The following ARL4D variants were observed in gnomAD, a reference collection of about 807,000 sequenced individuals.
The protein encoded by ARL4D is ADP-ribosylation factor-like protein 4D.
ARL4D carries 1 observed loss-of-function variant against 0.6 expected under a neutral mutation model. The ratio of observed to expected loss-of-function variants is 1.64; its 90% confidence interval spans 0.58 to 7.76. The LOEUF (loss-of-function observed/expected upper bound fraction) is 7.76, where lower values mean the gene tolerates loss of function less well. Ranked by LOEUF, ARL4D falls within the 30% of genes most tolerant of loss-of-function variation. ARL4D has a pLI of 0.14. For missense variants in ARL4D, 230 were observed against 264.5 expected (o/e 0.87, Z 0.90); for synonymous variants, 102 against 115.2 (o/e 0.89, Z 0.73).
At position 43,399,923 on chromosome 17, in the gene ARL4D, T is replaced by C; in HGVS notation, c.191T>C (p.Leu64Pro). ...AACACCGAGAAGATCCGGGTGCCCC[T>C]CGGGGGATCGCGTGGCATCACCTTC... is the stretch of plus-strand genomic sequence containing the variant. ...GFNTEKIRVP[L>P]GGSRGITFQV... Residue 64 changes from leucine (L) to proline (P), a missense_variant, in exon 2 of 2, where the codon CTC becomes CCC. Coordinates refer to ENST00000320033, the MANE Select transcript of ARL4D (RefSeq NM_001661.4). 6.2e-7 allele frequency: 1 copy of C among 1,613,298 alleles called. No homozygotes were observed. The highest frequency in any genetic ancestry group is 1.1e-5 in the South Asian group (1 of 91,020).
In ARL4D at chr17:43,400,562, G is replaced by A. The variant is rs1021968849; in HGVS notation, c.*224G>A. On this transcript the variant is annotated 3_prime_UTR_variant, in exon 2 of 2. Transcript: ENST00000320033. ...TCTCATCCTCTCTGGAGAAGTGGGC[G>A]CTGCAGGACTGTGGAGACGTAAATG... 7.2e-6 allele frequency: 4 copies of A among 552,140 alleles called. No individual in the cohort carries two copies. Among genetic ancestry groups the A allele is most frequent in the African/African-American group, 5.7e-5 (3 of 53,092 alleles). The allele number at this position is 552,140 out of a possible 1,614,324, so 34.2% of individuals were successfully genotyped here.
Position 43,399,758 on chromosome 17 carries a change from C to T in ARL4D, c.26C>T (p.Ala9Val), listed in dbSNP as rs1854203889. MGNHLTEM[A>V]PTASSFLPHF... ...ATGGGGAACCACTTGACTGAGATGGCGCCCACTGCCTCCTCCTTCTTGCCC... is the reference window on the plus strand; with the variant it reads ...ATGGGGAACCACTTGACTGAGATGGTGCCCACTGCCTCCTCCTTCTTGCCC... The change falls in exon 2 of 2, where the codon GCG becomes GTG. Residue 9 changes from alanine to valine, a missense_variant. Around this residue, in one of 3 missense-constraint regions of ARL4D, gnomAD observed 91 missense variants for 100.4 expected, o/e 0.91. Coordinates refer to ENST00000320033, the MANE Select transcript of ARL4D (RefSeq NM_001661.4). 5.0e-6 allele frequency: 8 copies of T among 1,613,252 alleles called. No individual in the cohort carries two copies. The highest frequency in any genetic ancestry group is 6.8e-6 in the Non-Finnish European group (8 of 1,179,430).
At position 43,399,786 on chromosome 17, in the gene ARL4D, C is replaced by T. The variant is rs1213203632; in HGVS notation, c.54C>T (p.His18=). The T allele has an allele frequency of 6.2e-7, 1 of 1,613,940 alleles. No homozygotes were observed. The highest frequency in any genetic ancestry group is 8.5e-7 in the Non-Finnish European group (1 of 1,180,016). ...CCACTGCCTCCTCCTTCTTGCCCCACTTCCAAGCCCTGCATGTCGTGGTCA... is the reference window on the plus strand; with the variant it reads ...CCACTGCCTCCTCCTTCTTGCCCCATTTCCAAGCCCTGCATGTCGTGGTCA... ...MAPTASSFLP[H]FQALHVVVIG... The change falls in exon 2 of 2, where the codon CAC becomes CAT. Residue 18 remains histidine (H), a synonymous_variant. Coordinates refer to ENST00000320033, the MANE Select transcript of ARL4D (RefSeq NM_001661.4).
rs370379303 is a variant in ARL4D at position 43,399,203 on chromosome 17, G to A, written c.-73+110G>A. 32 of 157,044 alleles carry A rather than the reference G, an allele frequency of 2.0e-4. No homozygotes were observed. In the South Asian group the frequency reaches 5.9e-3, roughly 29 times the overall value. 9.7% of individuals were successfully genotyped at this position (157,044 alleles called of 1,614,324 possible). A position where few individuals can be genotyped will look rare whatever the true frequency, so the allele number is the denominator to read the frequency against. Reference sequence around the variant, plus strand: ...GGCAGGAGAGTGTCGCGGGGCGGTGGGGCGAGGGTCGCGGAGTAAGGAAGG... The same window carrying A: ...GGCAGGAGAGTGTCGCGGGGCGGTGAGGCGAGGGTCGCGGAGTAAGGAAGG... On this transcript the variant is annotated intron_variant, in intron 1 of 1. Transcript: ENST00000320033.
Position 43,400,413 on chromosome 17 carries a change from G to C in ARL4D, c.*75G>C. On this transcript the variant is annotated 3_prime_UTR_variant, in exon 2 of 2. Transcript: ENST00000320033. ...GGACAGCAGGGTGGGACCAGCCTGT[G>C]ACCTCTCAGTCAGACTGGGGTGCAG... The C allele has an allele frequency of 6.6e-7, 1 of 1,504,266 alleles. No individual in the cohort carries two copies. Among genetic ancestry groups the C allele is most frequent in the Non-Finnish European group, 8.9e-7 (1 of 1,125,300 alleles). The allele number at this position is 1,504,266 out of a possible 1,614,324, so 93.2% of individuals were successfully genotyped here.
Position 43,399,641 on chromosome 17 carries a change from A to T in ARL4D, c.-72-20A>T, listed in dbSNP as rs1298859190. On this transcript the variant is annotated intron_variant, in intron 1 of 1. Transcript: ENST00000320033. ...TTATTAAACGTCTCCTTTTTCTCCC[A>T]TGACCTTTTCTTGGTTCAGATAACC... 1 of 1,473,270 alleles carries T rather than the reference A, an allele frequency of 6.8e-7. No individual in the cohort carries two copies. The highest frequency in any genetic ancestry group is 9.1e-7 in the Non-Finnish European group (1 of 1,098,714). 91.3% of individuals were successfully genotyped at this position (1,473,270 alleles called of 1,614,324 possible).
Position 43,400,122 on chromosome 17 carries a change from G to A in ARL4D, c.390G>A (p.Val130=). ...CCTCGGACAACCAGGGCGTGCCAGT[G>A]CTGGTGCTGGCCAACAAGCAGGACC... The part of the protein sequence containing the change: ...SRASDNQGVP[V]LVLANKQDQP... The change falls in exon 2 of 2, where the codon GTG becomes GTA. Residue 130 remains valine (V), a synonymous_variant. Transcript: ENST00000320033. 1 of 1,610,342 alleles carries A rather than the reference G, an allele frequency of 6.2e-7. No homozygotes were observed. Among genetic ancestry groups the A allele is most frequent in the South Asian group, 1.1e-5 (1 of 91,044 alleles).
chr17:43,400,783 G>C lies in ARL4D; in HGVS notation c.*445G>C, dbSNP rs1162026958. 1 of 175,818 alleles carries C rather than the reference G, an allele frequency of 5.7e-6. No individual in the cohort carries two copies. The highest frequency in any genetic ancestry group is 5.8e-5 in the Admixed American group (1 of 17,274). 10.9% of individuals were successfully genotyped at this position (175,818 alleles called of 1,614,324 possible). A position where few individuals can be genotyped will look rare whatever the true frequency, so the allele number is the denominator to read the frequency against. ...CTTTTCTAGGAATACCAGTCACATA[G>C]TTTTTATTTTTGTGTCTGTGAAAGT... On this transcript the variant is annotated 3_prime_UTR_variant, in exon 2 of 2. Coordinates refer to ENST00000320033, the MANE Select transcript of ARL4D (RefSeq NM_001661.4).
Position 43,399,986 on chromosome 17 carries a change from C to T in ARL4D, c.254C>T (p.Pro85Leu). The T allele has an allele frequency of 6.2e-7, 1 of 1,613,994 alleles. No individual in the cohort carries two copies. Among genetic ancestry groups the T allele is most frequent in the Non-Finnish European group, 8.5e-7 (1 of 1,180,020 alleles). Residue 85 changes from proline to leucine, a missense_variant, in exon 2 of 2, where the codon CCA (proline) becomes CTA (leucine). By Grantham distance (98) the Pro-to-Leu change is moderately conservative (BLOSUM62 -3). Coordinates refer to ENST00000320033, the MANE Select transcript of ARL4D (RefSeq NM_001661.4). ...GTCGGGGGGCAGGAGAAGCTGCGAC[C>T]ACTGTGGCGCTCTTATACCCGCCGG... Reference protein sequence around the residue: ...WDVGGQEKLRPLWRSYTRRTD... With the variant: ...WDVGGQEKLRLLWRSYTRRTD...
At position 43,399,999 on chromosome 17, in the gene ARL4D, T is replaced by C; in HGVS notation, c.267T>C (p.Ser89=). The change falls in exon 2 of 2, where the codon TCT becomes TCC. Residue 89 remains serine (S), a synonymous_variant. Transcript: ENST00000320033. ...GQEKLRPLWR[S]YTRRTDGLVF... is the part of the protein sequence containing the mutation. ...AGAAGCTGCGACCACTGTGGCGCTC[T>C]TATACCCGCCGGACAGACGGTCTAG... The C allele has an allele frequency of 6.2e-7, 1 of 1,614,058 alleles. No homozygotes were observed. Among genetic ancestry groups the C allele is most frequent in the Non-Finnish European group, 8.5e-7 (1 of 1,180,028 alleles).
chr17:43,399,543 G>T, intron 1 of ARL4D, 118 bp from the exon 2 acceptor site: 5 of 716,430 alleles, frequency 7.0e-6, no homozygotes, highest in Non-Finnish European at 1.1e-5. Flanking sequence ...AAAAAAAAAG[G>T]AAAGGAATTT....
chr17:43,400,023 A>C lies in ARL4D; in HGVS notation c.291A>C (p.Leu97=), dbSNP rs1439159213. 1.9e-6 allele frequency: 3 copies of C among 1,613,928 alleles called. No homozygotes were observed. In the South Asian group the frequency reaches 3.3e-5, roughly 18 times the overall value. The change falls in exon 2 of 2, where the codon CTA becomes CTC. Residue 97 remains leucine, a synonymous_variant. Transcript: ENST00000320033. The part of the protein sequence containing the change: ...WRSYTRRTDG[L]VFVVDAAEAE... ...CTTATACCCGCCGGACAGACGGTCT[A>C]GTGTTTGTGGTGGACGCTGCGGAGG...
intron 1 of ARL4D, 95 bp from the exon 2 acceptor site, chr17:43,399,566 A>G: frequency 1.2e-6 from 1 of 807,860 alleles, no homozygotes; most frequent in Middle Eastern, 3.0e-4. Flanking sequence ...AAAATGAAGG[A>G]TGGGAGGGTG....
In ARL4D at chr17:43,400,458, A is replaced by G; in HGVS notation, c.*120A>G. ...GTGCAGGACCTGTCCACCTCAATGA[A>G]GGAGAGAGGAGCATGGGGTGTCCCG... On this transcript the variant is annotated 3_prime_UTR_variant, in exon 2 of 2. Coordinates refer to ENST00000320033, the MANE Select transcript of ARL4D (RefSeq NM_001661.4). The G allele has an allele frequency of 7.5e-7, 1 of 1,326,506 alleles. No individual in the cohort carries two copies. The highest frequency in any genetic ancestry group is 1.0e-6 in the Non-Finnish European group (1 of 977,688). 82.2% of individuals were successfully genotyped at this position (1,326,506 alleles called of 1,614,324 possible). A position where few individuals can be genotyped will look rare whatever the true frequency, so the allele number is the denominator to read the frequency against.
intron 1 of ARL4D, 131 bp from the exon 2 acceptor site, chr17:43,399,524 TAAAAAA>T: frequency 2.0e-5 from 11 of 539,146 alleles, no homozygotes; most frequent in South Asian, 7.7e-5. Flanking sequence ...TGTTATGCCT[TAAAAAA>T]AAAAAAAAAA....
At position 43,400,330 on chromosome 17, in the gene ARL4D, A is replaced by G; in HGVS notation, c.598A>G (p.Arg200Gly). 6.3e-7 allele frequency: 1 copy of G among 1,582,314 alleles called. No individual in the cohort carries two copies. Among genetic ancestry groups the G allele is most frequent in the Non-Finnish European group, 8.6e-7 (1 of 1,163,678 alleles). ...GAAGGCAGCTCGGGGTGGCAAGAAG[A>G]GACGGTGACCCAAGCCCCCCCTCCC... ...RKKAARGGKKRR is the reference protein window; with the variant it reads ...RKKAARGGKKGR Residue 200 changes from arginine to glycine, a missense_variant, in exon 2 of 2, where the codon AGA becomes GGA. Arg to Gly is a moderately radical substitution (Grantham distance 125). This residue lies in a region of ARL4D where 131 missense variants were observed against 134.4 expected (regional missense o/e 0.97). Transcript: ENST00000320033.
Position 43,400,173 on chromosome 17 carries a change from G to A in ARL4D, c.441G>A (p.Glu147=), listed in dbSNP as rs2058082162. 1 of 1,603,006 alleles carries A rather than the reference G, an allele frequency of 6.2e-7. No individual in the cohort carries two copies. The highest frequency in any genetic ancestry group is 1.7e-5 in the Admixed American group (1 of 58,210). Residue 147 remains glutamate, a synonymous_variant, in exon 2 of 2, where the codon GAG becomes GAA. Coordinates refer to ENST00000320033, the MANE Select transcript of ARL4D (RefSeq NM_001661.4). ...QDQPGALSAA[E]VEKRLAVREL... ...AGCCCGGGGCACTGAGCGCTGCTGAGGTGGAGAAGAGGCTGGCAGTCCGAG... is the reference window on the plus strand; with the variant it reads ...AGCCCGGGGCACTGAGCGCTGCTGAAGTGGAGAAGAGGCTGGCAGTCCGAG...
At position 43,400,213 on chromosome 17, in the gene ARL4D, A is replaced by G. The variant is rs1300198511; in HGVS notation, c.481A>G (p.Thr161Ala). 3 of 1,601,380 alleles carry G rather than the reference A, an allele frequency of 1.9e-6. No individual in the cohort carries two copies. Among genetic ancestry groups the G allele is most frequent in the Non-Finnish European group, 2.6e-6 (3 of 1,175,392 alleles). ...GGCAGTCCGAGAGCTAGCAGCCGCC[A>G]CTCTCACTCATGTGCAAGGCTGCAG... ...RLAVRELAAA[T>A]LTHVQGCSAV... The change falls in exon 2 of 2, where the codon ACT becomes GCT. Residue 161 changes from threonine to alanine, a missense_variant. Thr to Ala is a moderately conservative substitution (Grantham distance 58, BLOSUM62 0). Around this residue, in one of 3 missense-constraint regions of ARL4D, gnomAD observed 131 missense variants for 134.4 expected, o/e 0.97. Transcript: ENST00000320033.
At position 43,400,208 on chromosome 17, in the gene ARL4D, C is replaced by G; in HGVS notation, c.476C>G (p.Ala159Gly). ...EKRLAVRELAAATLTHVQGCS... is the reference protein window; with the variant it reads ...EKRLAVRELAGATLTHVQGCS... ...AGGCTGGCAGTCCGAGAGCTAGCAG[C>G]CGCCACTCTCACTCATGTGCAAGGC... Residue 159 changes from alanine (A) to glycine (G), a missense_variant, in exon 2 of 2, where the codon GCC becomes GGC. By Grantham distance (60) the Ala-to-Gly change is moderately conservative. This residue lies in a region of ARL4D where 131 missense variants were observed against 134.4 expected (regional missense o/e 0.97). Coordinates refer to ENST00000320033, the MANE Select transcript of ARL4D (RefSeq NM_001661.4). 4 of 1,598,828 alleles carry G rather than the reference C, an allele frequency of 2.5e-6. No homozygotes were observed. Among genetic ancestry groups the G allele is most frequent in the Non-Finnish European group, 3.4e-6 (4 of 1,174,240 alleles).
Sources: allele counts gnomAD v4.1 joint callset, GRCh38; gene constraint gnomAD v4.1.1; regional missense constraint gnomAD v4.1.1; transcripts MANE v1.5; gene names NCBI Gene and HGNC (gene_info 2026-07-23, HGNC 2026-07-21).